The following SNTG1 variants were observed in gnomAD, a reference collection of about 807,000 sequenced individuals.
SNTG1 encodes the protein syntrophin gamma 1.
In SNTG1, 39 loss-of-function variants were observed where a neutral mutation model predicts 74.7. That is an observed-to-expected ratio of 0.52 (90% confidence interval 0.40 to 0.68). The LOEUF (loss-of-function observed/expected upper bound fraction) is 0.68, where lower values mean the gene tolerates loss of function less well. Among genes scored for constraint, SNTG1 ranks in the 30% least tolerant of loss-of-function variants. The pLI is 0.00. For synonymous variants in SNTG1, 254 were observed against 217.1 expected (o/e 1.17, Z -1.49); for missense variants, 685 against 609.5 (o/e 1.12, Z -1.30).
At chr8:50,268,782 G>C (rs570579059) in intron 2 of SNTG1, among the ~76,000 whole-genome samples, 1 of 151,602 alleles carries the variant, frequency 6.6e-6, no homozygotes. Flanking sequence ...TCAGCCTCCC[G>C]AGTAGCTGGA....
At position 50,620,593 on chromosome 8, in the gene SNTG1, G is replaced by T. The variant is rs114094508; in HGVS notation, c.849+29676G>T. Among the ~76,000 whole-genome samples, 1,059 of 152,288 alleles carry T rather than the reference G, an allele frequency of 7.0e-3. 12 individuals carry two copies. Among genetic ancestry groups the T allele is most frequent in the African/African-American group, 0.023 (964 of 41,564 alleles). ...GATATTTGCTGGGGTGCCTCAGAGAGAGTAGCTAATTTTTCTGCACTTCCA... is the reference window on the plus strand; with the variant it reads ...GATATTTGCTGGGGTGCCTCAGAGATAGTAGCTAATTTTTCTGCACTTCCA... On this transcript the variant is annotated intron_variant, in intron 13 of 18. Coordinates refer to ENST00000642720, the MANE Select transcript of SNTG1 (RefSeq NM_018967.5).
intron 2 of SNTG1, among the ~76,000 whole-genome samples, chr8:50,361,013 G>GT (rs923239477): frequency 2.0e-5 from 3 of 152,100 alleles, no homozygotes; most frequent in African/African-American, 7.2e-5. Context: ...ATGATTTGCT[G>GT]TTTTTTAACT....
intron 1 of SNTG1, among the ~76,000 whole-genome samples, chr8:50,167,557 G>C (rs1586563463): frequency 6.6e-6 from 1 of 151,188 alleles, no homozygotes; most frequent in Non-Finnish European, 1.5e-5. Context: ...AGCACTTTGT[G>C]AGGCCTTGGC....
intron 2 of SNTG1, among the ~76,000 whole-genome samples, chr8:50,295,163 C>T (rs149398120): frequency 6.6e-6 from 1 of 152,066 alleles, no homozygotes; most frequent in South Asian, 2.1e-4. Flanking sequence ...AAAATCAAAC[C>T]TAAGGACAAA....
At position 50,127,903 on chromosome 8, in the gene SNTG1, T is replaced by G. The variant is rs116323426; in HGVS notation, c.-102-44658T>G. ...CTGCCTCTGAGCAGCCACACACCAC[T>G]GCATTAAACATGCCTTTTAATATCA... On this transcript the variant is annotated intron_variant, in intron 1 of 18. Transcript: ENST00000642720. Among the ~76,000 whole-genome samples the G allele has an allele frequency of 1.6e-3, 250 of 152,306 alleles. 2 individuals carry two copies. Among genetic ancestry groups the G allele is most frequent in the Middle Eastern group, 6.8e-3 (2 of 294 alleles).
chr8:50,339,728 TA>T, intron 2 of SNTG1, among the ~76,000 whole-genome samples: 1 of 151,322 alleles, frequency 6.6e-6, no homozygotes, highest in Admixed American at 6.6e-5. Flanking sequence ...GAGGGGAAAA[TA>T]ATAAAGAAAC....
At chr8:50,302,418 G>GT (rs987925141) in intron 2 of SNTG1, among the ~76,000 whole-genome samples, 40 of 150,964 alleles carry the variant, frequency 2.6e-4, no homozygotes, top group Non-Finnish European at 5.0e-4. Context: ...CTGGTTAAAG[G>GT]TTTTTTTTTC....
At chr8:50,258,807 T>G (rs967555729) in intron 2 of SNTG1, among the ~76,000 whole-genome samples, 9 of 151,948 alleles carry the variant, frequency 5.9e-5, no homozygotes, top group Non-Finnish European at 1.3e-4. Flanking sequence ...ATTAAATACA[T>G]AAACTTACAC....
chr8:50,766,447 A>T (rs1488637534), intron 18 of SNTG1, among the ~76,000 whole-genome samples: 1 of 152,120 alleles, frequency 6.6e-6, no homozygotes, highest in Admixed American at 6.6e-5. Flanking sequence ...AATTTTATAT[A>T]GCTTAATAGC....
At chr8:50,185,747 T>A in intron 2 of SNTG1, among the ~76,000 whole-genome samples, 1 of 152,314 alleles carries the variant, frequency 6.6e-6, no homozygotes, top group South Asian at 2.1e-4. Flanking sequence ...AACTTTTATC[T>A]ATTAATGTAC....
Position 50,608,695 on chromosome 8 carries a change from T to C in SNTG1, c.849+17778T>C, listed in dbSNP as rs146924046. Among the ~76,000 whole-genome samples the C allele has an allele frequency of 5.0e-3, 759 of 152,000 alleles. 7 individuals are homozygous for C. The highest frequency in any genetic ancestry group is 0.017 in the African/African-American group (710 of 41,572). The stretch of plus-strand genomic sequence containing the variant: ...CATTTGATTAAGGTGTTTCAGTCAA[T>C]CACATTTGAAATAATTATGGATATG... On this transcript the variant is annotated intron_variant, in intron 13 of 18. Coordinates refer to ENST00000642720, the MANE Select transcript of SNTG1 (RefSeq NM_018967.5).
chr8:50,105,461 G>A (rs1385719802), intron 1 of SNTG1, among the ~76,000 whole-genome samples: 1 of 151,950 alleles, frequency 6.6e-6, no homozygotes, highest in African/African-American at 2.4e-5. Flanking sequence ...TGAGTAACAT[G>A]ATGTCTTCAG....
chr8:50,609,322 T>C (rs1331003981), intron 13 of SNTG1, among the ~76,000 whole-genome samples: 1 of 152,114 alleles, frequency 6.6e-6, no homozygotes, highest in Non-Finnish European at 1.5e-5. Flanking sequence ...ATTGAAATCT[T>C]TGTTGACCTT....
chr8:50,134,030 A>T (rs2081394480), intron 1 of SNTG1, among the ~76,000 whole-genome samples: 2 of 152,192 alleles, frequency 1.3e-5, no homozygotes, highest in Non-Finnish European at 2.9e-5. Context: ...ATTGTTGAGT[A>T]TATTAGTTAA....
chr8:50,456,134 C>G (rs2093502853), intron 8 of SNTG1, among the ~76,000 whole-genome samples: 1 of 152,158 alleles, frequency 6.6e-6, no homozygotes, highest in Non-Finnish European at 1.5e-5. Context: ...TTTAGGGATG[C>G]CTTTTTTGCT....
chr8:50,615,774 C>G (rs1198234819), intron 13 of SNTG1, among the ~76,000 whole-genome samples: 1 of 152,138 alleles, frequency 6.6e-6, no homozygotes, highest in Non-Finnish European at 1.5e-5. Context: ...ACTTGTGTGC[C>G]ACAAAAATAG....
chr8:50,376,756 T>TATATATATAGAGAGAGAGAG (rs1381048539), intron 2 of SNTG1, among the ~76,000 whole-genome samples: 98 of 89,932 alleles, frequency 1.1e-3, no homozygotes, highest in Non-Finnish European at 1.7e-3. Flanking sequence ...TATATATATA[T>TATATATATAGAGAGAGAGAG]AGAGAGAGAG....
intron 1 of SNTG1, among the ~76,000 whole-genome samples, chr8:50,148,481 A>G (rs1414330914): frequency 6.6e-6 from 1 of 152,198 alleles, no homozygotes; most frequent in Non-Finnish European, 1.5e-5. Context: ...ATATGTATAC[A>G]TATGCCATGT....
chr8:50,765,502 C>T (rs553269471), intron 18 of SNTG1, among the ~76,000 whole-genome samples: 1 of 152,072 alleles, frequency 6.6e-6, no homozygotes, highest in African/African-American at 2.4e-5. Flanking sequence ...CCTCTTCTCT[C>T]TCTTTCAGGG....
Sources: allele counts gnomAD v4.1 joint callset (sites outside exome capture counted in the v4.1 genomes callset), GRCh38; gene constraint gnomAD v4.1.1; transcripts MANE v1.5; gene names NCBI Gene and HGNC (gene_info 2026-07-23, HGNC 2026-07-21).